Variants in DLEU7 observed in about 807,000 individuals in gnomAD.
The protein encoded by DLEU7 is deleted in lymphocytic leukemia 7.
In DLEU7, 17 loss-of-function variants were observed where a neutral mutation model predicts 16.0. That is an observed-to-expected ratio of 1.06 (90% CI 0.73 to 1.59). The LOEUF (loss-of-function observed/expected upper bound fraction) is 1.59, where lower values mean the gene tolerates loss of function less well. DLEU7 is among the 40% of genes most tolerant of loss of function. The probability of loss-of-function intolerance (pLI) is 0.00; values close to 1 mark genes in which losing one functional copy is unlikely to be tolerated. For synonymous variants in DLEU7, 113 were observed against 139.8 expected (o/e 0.81, Z 1.35); for missense variants, 308 against 314.9 (o/e 0.98, Z 0.17).
downstream of DLEU7, among the ~76,000 whole-genome samples, chr13:50,821,721 G>A (rs964702405): frequency 3.2e-5 from 4 of 124,874 alleles, no homozygotes; most frequent in African/African-American, 5.7e-5. Context: ...TCACTATTTC[G>A]TTGGGTAAGG....
At chr13:50,788,110 C>T (rs948208650) in intron 1 of DLEU7, among the ~76,000 whole-genome samples, 4 of 152,178 alleles carry the variant, frequency 2.6e-5, no homozygotes, top group African/African-American at 9.7e-5. Context: ...CTCCTGAGGG[C>T]AGGGGCTGAG....
At chr13:50,823,630 G>GTTTT in intron 1 of DLEU7, 110 bp from the exon 2 acceptor site, 1 of 1,062,156 alleles carries the variant, frequency 9.4e-7, no homozygotes, top group Non-Finnish European at 1.3e-6. Flanking sequence ...CAGCACTCTG[G>GTTTT]TTTTTTTTTT....
chr13:50,787,867 T>C (rs1290235594), intron 1 of DLEU7, among the ~76,000 whole-genome samples: 1 of 152,070 alleles, frequency 6.6e-6, no homozygotes, highest in East Asian at 1.9e-4. Flanking sequence ...GCGCCTTCCC[T>C]CTGCTCATAC....
chr13:50,771,379 C>A (rs1025654469), intron 1 of DLEU7, among the ~76,000 whole-genome samples: 1 of 152,124 alleles, frequency 6.6e-6, no homozygotes, highest in Non-Finnish European at 1.5e-5. Context: ...TAGATCTTCC[C>A]TGCTTTCTCT....
exon 2 of DLEU7, chr13:50,712,210 T>C (rs1266314355): frequency 1.3e-5 from 2 of 152,226 alleles, no homozygotes; most frequent in African/African-American, 4.8e-5. Context: ...GAGGGAACTT[T>C]GGGATTTTTC....
chr13:50,780,611 T>C (rs952431506), intron 1 of DLEU7, among the ~76,000 whole-genome samples: 4 of 152,176 alleles, frequency 2.6e-5, no homozygotes, highest in Admixed American at 6.5e-5. Flanking sequence ...TTATGTGGAA[T>C]TGGGGTGGAG....
chr13:50,752,052 C>CTTTTTTTTT (rs200928092), intron 1 of DLEU7, among the ~76,000 whole-genome samples: 74 of 135,700 alleles, frequency 5.5e-4, no homozygotes, highest in East Asian at 1.8e-3. Context: ...CTCTTTCAGT[C>CTTTTTTTTT]TTTTTTTTTT....
chr13:50,788,845 T>A (rs1875865884), intron 1 of DLEU7, among the ~76,000 whole-genome samples: 1 of 152,016 alleles, frequency 6.6e-6, no homozygotes, highest in Non-Finnish European at 1.5e-5. Context: ...ACGGACACCC[T>A]TTCACCCTCA....
chr13:50,736,357 G>A (rs111710149), intron 1 of DLEU7, among the ~76,000 whole-genome samples: 17,500 of 151,932 alleles, frequency 0.12, 1,647 homozygotes, highest in African/African-American at 0.26. Context: ...ACTTGAGGGT[G>A]GAGGGTGGGA....
chr13:50,770,249 T>C (rs948824055), intron 1 of DLEU7, among the ~76,000 whole-genome samples: 2 of 152,186 alleles, frequency 1.3e-5, no homozygotes, highest in Non-Finnish European at 2.9e-5. Context: ...TTTTCTTAAT[T>C]GAATACCCTT....
rs553981992 is a variant in DLEU7 at position 50,765,856 on chromosome 13, G to A, written c.460-52616C>T. ...AAGGTTGAGAAGACAGCAAGTGAAG[G>A]CCAAGAAAACTTGCATTGCGTGGAT... On this transcript the variant is annotated intron_variant, in intron 1 of 1. Coordinates refer to the DLEU7 transcript ENST00000400393. Among the ~76,000 whole-genome samples, 11 of 152,276 alleles carry A rather than the reference G, an allele frequency of 7.2e-5. No homozygotes were observed. The South Asian group carries it at 2.1e-3, about 29-fold the overall frequency.
intron 1 of DLEU7, among the ~76,000 whole-genome samples, chr13:50,733,129 C>T (rs1169187295): frequency 6.6e-6 from 1 of 152,178 alleles, no homozygotes; most frequent in Non-Finnish European, 1.5e-5. Flanking sequence ...AAGTGGTTCT[C>T]AGCACTTGTC....
intron 1 of DLEU7, among the ~76,000 whole-genome samples, chr13:50,742,211 T>C (rs1005970438): frequency 1.3e-5 from 2 of 152,140 alleles, no homozygotes; most frequent in Non-Finnish European, 2.9e-5. Flanking sequence ...TATACAGATA[T>C]ATTTGTGTTT....
chr13:50,725,193 C>A (rs562154922), intron 1 of DLEU7, among the ~76,000 whole-genome samples: 4 of 152,220 alleles, frequency 2.6e-5, no homozygotes, highest in East Asian at 1.9e-4. Context: ...CAAAAGAAAG[C>A]CCACTGACCC....
At chr13:50,749,608 G>T (rs906152340) in intron 1 of DLEU7, among the ~76,000 whole-genome samples, 2 of 151,902 alleles carry the variant, frequency 1.3e-5, no homozygotes, top group African/African-American at 2.4e-5. Flanking sequence ...ACTGTTTTTT[G>T]ATTTTTTTTT....
chr13:50,763,298 A>T (rs1191586262), intron 1 of DLEU7, among the ~76,000 whole-genome samples: 1 of 152,188 alleles, frequency 6.6e-6, no homozygotes, highest in Non-Finnish European at 1.5e-5. Context: ...TAAGCAGAGA[A>T]CTATGATCAC....
At chr13:50,839,871 C>A (rs1400199424) in intron 1 of DLEU7, among the ~76,000 whole-genome samples, 2 of 152,070 alleles carry the variant, frequency 1.3e-5, no homozygotes, top group East Asian at 3.8e-4. Flanking sequence ...TCTCAGTAAC[C>A]CTTTAGGTTA....
At chr13:50,747,516 C>T (rs1341536019) in intron 1 of DLEU7, among the ~76,000 whole-genome samples, 2 of 151,868 alleles carry the variant, frequency 1.3e-5, no homozygotes, top group East Asian at 1.9e-4. Flanking sequence ...GCTCTCTCTC[C>T]CTCACCTCCT....
intron 1 of DLEU7, among the ~76,000 whole-genome samples, chr13:50,834,251 G>A (rs1254406028): frequency 6.6e-6 from 1 of 152,078 alleles, no homozygotes; most frequent in Admixed American, 6.5e-5. Context: ...AGAGTGAACA[G>A]GCAACCTACA....
Sources: gnomAD v4.1 joint callset for allele counts (sites outside exome capture counted in the v4.1 genomes callset) on GRCh38, gnomAD v4.1.1 for gene constraint, MANE v1.5 for transcripts, NCBI Gene and HGNC (gene_info 2026-07-23, HGNC 2026-07-21) for gene names.